GABRB3: variants seen among roughly 807,000 people sequenced by gnomAD.
GABRB3 encodes gamma-aminobutyric acid type A receptor subunit beta3.
In GABRB3, 14 loss-of-function variants were observed where a neutral mutation model predicts 52.1. The ratio of observed to expected loss-of-function variants is 0.27; its 90% CI spans 0.18 to 0.42. The LOEUF (loss-of-function observed/expected upper bound fraction) is 0.42, where lower values mean the gene tolerates loss of function less well. GABRB3 is among the 10% of genes least tolerant of loss of function. GABRB3 has a pLI of 1.00. For synonymous variants in GABRB3, 260 were observed against 232.3 expected, an observed-to-expected ratio of 1.12 and a Z score of -1.08; for missense variants, 307 against 609.1, an observed-to-expected ratio of 0.50 and a Z score of 5.22.
intron 4 of GABRB3, chr15:26,615,818 C>A: frequency 8.4e-7 from 1 of 1,194,542 alleles, no homozygotes; most frequent in Non-Finnish European, 1.1e-6. Flanking sequence ...GAGAGCCAAT[C>A]TCAGTGTCCA....
intron 8 of GABRB3, among the ~76,000 whole-genome samples, chr15:26,554,167 ATATATAAAG>A (rs1379514383): frequency 1.3e-4 from 4 of 29,822 alleles, no homozygotes; most frequent in Non-Finnish European, 1.8e-4. Flanking sequence ...TAAAGTATAT[ATATATAAAG>A]TATATATATA....
chr15:26,676,093 AG>A (rs1175512729), intron 3 of GABRB3, among the ~76,000 whole-genome samples: 1 of 152,212 alleles, frequency 6.6e-6, no homozygotes, highest in Non-Finnish European at 1.5e-5. Context: ...ACAGTGCTTA[AG>A]GAGTCACCAC....
chr15:26,773,633 C>A, upstream of GABRB3: 1 of 1,552,478 alleles, frequency 6.4e-7, no homozygotes, highest in Non-Finnish European at 8.7e-7. Context: ...CGCCGGGAAG[C>A]CCCCGCCTCA....
intron 6 of GABRB3, among the ~76,000 whole-genome samples, chr15:26,572,028 G>C (rs1190627314): frequency 1.4e-5 from 2 of 142,368 alleles, no homozygotes; most frequent in Admixed American, 1.5e-4. Context: ...CCTGGCGACA[G>C]AGCGAGACTC....
chr15:26,735,423 C>T (rs998602196), intron 3 of GABRB3, among the ~76,000 whole-genome samples: 1 of 152,098 alleles, frequency 6.6e-6, no homozygotes, highest in Non-Finnish European at 1.5e-5. Flanking sequence ...GGGAATCCCA[C>T]CCAAAAGAAT....
At chr15:26,773,243 G>C (rs1891210047), upstream of GABRB3, among the ~76,000 whole-genome samples, 1 of 149,912 alleles carries the variant, frequency 6.7e-6, no homozygotes, top group Non-Finnish European at 1.5e-5. Flanking sequence ...GCTCGCCTCG[G>C]CCCGAGGCCG....
rs376281734 is a variant in GABRB3 at position 26,733,180 on chromosome 15, G to T, written c.240+39222C>A. Among the ~76,000 whole-genome samples the T allele has an allele frequency of 4.5e-4, 69 of 152,124 alleles. 3 individuals carry two copies. In the South Asian group the frequency reaches 0.014, roughly 31 times the overall value. On this transcript the variant is annotated intron_variant, in intron 3 of 8. Coordinates refer to ENST00000311550, the MANE Select transcript of GABRB3 (RefSeq NM_000814.6). ...ATTAGACAAGAAAAATAAATAAAGG[G>T]CATTCAAATTGGAAAGAAAAAAGTA... is the stretch of plus-strand genomic sequence containing the variant.
chr15:26,714,258 C>T (rs915826150), intron 3 of GABRB3, among the ~76,000 whole-genome samples: 6 of 152,186 alleles, frequency 3.9e-5, no homozygotes, highest in African/African-American at 1.4e-4. Flanking sequence ...AACTGCTTGA[C>T]ACAGTGCCTG....
chr15:26,756,776 C>T (rs150671511), intron 3 of GABRB3, among the ~76,000 whole-genome samples: 2 of 152,316 alleles, frequency 1.3e-5, no homozygotes, highest in East Asian at 1.9e-4. Context: ...GTCTGCCTCA[C>T]TTCTTTCCAC....
intron 3 of GABRB3, among the ~76,000 whole-genome samples, chr15:26,766,769 A>G (rs1449366341): frequency 4.6e-5 from 7 of 151,600 alleles, no homozygotes. Context: ...AACTACATGT[A>G]AATAAGCAGA....
chr15:26,666,443 A>G (rs7181175), intron 3 of GABRB3: 149,378 of 152,336 alleles, frequency 0.98, 73,251 homozygotes, highest in East Asian at 1. Flanking sequence ...TGGTGAAGTA[A>G]GGGGAGGCCG....
chr15:26,552,390 T>A (rs138535411), intron 8 of GABRB3, among the ~76,000 whole-genome samples: 2 of 152,362 alleles, frequency 1.3e-5, no homozygotes, highest in East Asian at 3.9e-4. Flanking sequence ...TGTGTCTGCA[T>A]GTCTTTGAGA....
intron 3 of GABRB3, among the ~76,000 whole-genome samples, chr15:26,707,221 A>G (rs1889131808): frequency 6.6e-6 from 1 of 152,222 alleles, no homozygotes; most frequent in Non-Finnish European, 1.5e-5. Flanking sequence ...CCCAGTGAGA[A>G]GAGCAGGACA....
At chr15:26,714,197 A>C (rs1221931786) in intron 3 of GABRB3, among the ~76,000 whole-genome samples, 1 of 152,224 alleles carries the variant, frequency 6.6e-6, no homozygotes, top group African/African-American at 2.4e-5. Context: ...GAGCTTCATA[A>C]GTGTCCCTGC....
intron 4 of GABRB3, among the ~76,000 whole-genome samples, chr15:26,585,043 A>C (rs1015750491): frequency 6.6e-6 from 1 of 152,212 alleles, no homozygotes; most frequent in Non-Finnish European, 1.5e-5. Flanking sequence ...AAGGATGAGA[A>C]AGCATCATAG....
chr15:26,710,370 T>C (rs1457950671), intron 3 of GABRB3, among the ~76,000 whole-genome samples: 1 of 152,194 alleles, frequency 6.6e-6, no homozygotes, highest in Non-Finnish European at 1.5e-5. Context: ...CAAATGATTC[T>C]TCTGCCTCAG....
intron 3 of GABRB3, among the ~76,000 whole-genome samples, chr15:26,727,374 G>A (rs530704066): frequency 6.6e-6 from 1 of 152,094 alleles, no homozygotes; most frequent in East Asian, 1.9e-4. Context: ...TTTATTCTAT[G>A]GAATACTTTT....
At chr15:26,583,861 A>C (rs1287355723) in intron 4 of GABRB3, among the ~76,000 whole-genome samples, 1 of 150,052 alleles carries the variant, frequency 6.7e-6, no homozygotes, top group East Asian at 2.0e-4. Context: ...TGCAAGCTCC[A>C]ACTCCCAGGT....
At chr15:26,630,357 G>GT (rs1480307093) in intron 3 of GABRB3, among the ~76,000 whole-genome samples, 1 of 152,230 alleles carries the variant, frequency 6.6e-6, no homozygotes, top group African/African-American at 2.4e-5. Context: ...TGCTCAGGCA[G>GT]TGAGGAGGAA....
Sources: allele counts gnomAD v4.1 joint callset (sites outside exome capture counted in the v4.1 genomes callset), GRCh38; gene constraint gnomAD v4.1.1; transcripts MANE v1.5; gene names NCBI Gene and HGNC (gene_info 2026-07-23, HGNC 2026-07-21).